Variants in DPH6 observed in about 807,000 individuals in gnomAD.
DPH6 encodes diphthine--ammonia ligase.
A neutral mutation model predicts 38.2 loss-of-function variants in DPH6; 33 were observed. The ratio of observed to expected loss-of-function variants is 0.86; its 90% confidence interval spans 0.65 to 1.15. The LOEUF is 1.15. Among genes scored for constraint, DPH6 ranks in the 50% most tolerant of loss-of-function variants. The probability of loss-of-function intolerance (pLI) is 0.00; values close to 1 mark genes in which losing one functional copy is unlikely to be tolerated. For missense variants in DPH6, 325 were observed against 320.0 expected, an observed-to-expected ratio of 1.02 and a Z score of -0.12; for synonymous variants, 108 against 103.0, an observed-to-expected ratio of 1.05 and a Z score of -0.30.
chr15:35,484,594 A>G (rs533773222), intron 3 of DPH6, among the ~76,000 whole-genome samples: 2 of 152,336 alleles, frequency 1.3e-5, no homozygotes, highest in South Asian at 4.1e-4. Context: ...GGAAGCTTAC[A>G]ATATGGCAGC....
intron 5 of DPH6, among the ~76,000 whole-genome samples, chr15:35,430,726 C>G (rs1449550690): frequency 6.6e-6 from 1 of 152,112 alleles, no homozygotes; most frequent in African/African-American, 2.4e-5. Context: ...TCAATGTCAA[C>G]TATAAATGCA....
chr15:35,145,732 G>C, the DPH6 span, among the ~76,000 whole-genome samples: 1 of 152,108 alleles, frequency 6.6e-6, no homozygotes, highest in Non-Finnish European at 1.5e-5. Context: ...TTCAAGTTCT[G>C]GGGTAGTAAC....
At chr15:35,260,398 G>A (rs575785513) in intron 3 of DPH6, among the ~76,000 whole-genome samples, 8 of 151,996 alleles carry the variant, frequency 5.3e-5, no homozygotes, top group East Asian at 1.9e-4. Context: ...GAGCCACCGC[G>A]CCCAGCCAGG....
intron 3 of DPH6, among the ~76,000 whole-genome samples, chr15:35,319,551 G>T (rs1469425547): frequency 2.0e-4 from 30 of 152,046 alleles, no homozygotes; most frequent in Non-Finnish European, 1.5e-5. Context: ...GACCAGGCTG[G>T]CCAACGTGGA....
At chr15:35,404,923 A>C (rs951670234) in intron 6 of DPH6, among the ~76,000 whole-genome samples, 7 of 152,126 alleles carry the variant, frequency 4.6e-5, no homozygotes, top group Non-Finnish European at 1.0e-4. Flanking sequence ...AGAGGGATCA[A>C]GTTTTATTTT....
chr15:35,346,046 T>C (rs2052459148), intron 3 of DPH6, among the ~76,000 whole-genome samples: 1 of 152,004 alleles, frequency 6.6e-6, no homozygotes, highest in African/African-American at 2.4e-5. Flanking sequence ...GAAACGAAAG[T>C]GCATCTCCTA....
At chr15:35,261,247 G>A (rs548928424) in intron 3 of DPH6, among the ~76,000 whole-genome samples, 6 of 152,282 alleles carry the variant, frequency 3.9e-5, no homozygotes, top group African/African-American at 9.6e-5. Context: ...CTCTGAGCAC[G>A]GTGCCATAAT....
In DPH6 at chr15:35,450,935, T is replaced by C. The variant is rs913831763; in HGVS notation, c.387-132A>G. On this transcript the variant is annotated intron_variant, in intron 4 of 8. Coordinates refer to ENST00000256538, the MANE Select transcript of DPH6 (RefSeq NM_080650.4). ...AGCATTGAAAATGCTTTTAAAAACA[T>C]ATTTTGCATAATGTTTATATATACA... The C allele has an allele frequency of 1.2e-5, 8 of 662,094 alleles. No individual in the cohort carries two copies. In the African/African-American group the frequency reaches 1.5e-4, roughly 12 times the overall value. The allele number at this position is 662,094 out of a possible 1,614,324, so 41.0% of individuals were successfully genotyped here. A position where few individuals can be genotyped will look rare whatever the true frequency, so the allele number is the denominator to read the frequency against.
the DPH6 span, among the ~76,000 whole-genome samples, chr15:35,179,204 C>CTCAAAAAAAAAAAAA: frequency 2.0e-5 from 1 of 50,592 alleles, no homozygotes; most frequent in Non-Finnish European, 3.9e-5. Context: ...ACAACTCTGT[C>CTCAAAAAAAAAAAAA]AAAAAAAAAA....
intron 4 of DPH6, 140 bp from the exon 5 acceptor site, chr15:35,450,943 A>G: frequency 1.6e-6 from 1 of 622,780 alleles, no homozygotes; most frequent in African/African-American, 1.9e-5. Context: ...CATATTTTGC[A>G]TAATGTTTAT....
intron 3 of DPH6, among the ~76,000 whole-genome samples, chr15:35,310,934 C>T (rs1361413830): frequency 3.3e-5 from 5 of 151,798 alleles, no homozygotes; most frequent in Non-Finnish European, 7.4e-5. Flanking sequence ...TGGCACATGC[C>T]TGTAATCCCA....
At chr15:35,149,997 G>A in the DPH6 span, among the ~76,000 whole-genome samples, 1 of 152,170 alleles carries the variant, frequency 6.6e-6, no homozygotes, top group Non-Finnish European at 1.5e-5. Context: ...CCCGATGCTT[G>A]TTCTGCTCCA....
intron 3 of DPH6, among the ~76,000 whole-genome samples, chr15:35,363,226 G>A (rs1413821197): frequency 1.3e-5 from 2 of 152,062 alleles, no homozygotes; most frequent in African/African-American, 4.8e-5. Flanking sequence ...ATACTTGAAA[G>A]AAGCGTGCAA....
the DPH6 span, among the ~76,000 whole-genome samples, chr15:35,169,199 A>G: frequency 3.3e-5 from 5 of 152,124 alleles, no homozygotes; most frequent in Non-Finnish European, 7.4e-5. Flanking sequence ...TATCATATTC[A>G]TATCATATTC....
At chr15:35,501,400 T>A (rs771297165) in intron 3 of DPH6, among the ~76,000 whole-genome samples, 5 of 152,216 alleles carry the variant, frequency 3.3e-5, no homozygotes, top group Admixed American at 6.5e-5. Flanking sequence ...CGACATGGGA[T>A]CAACTTCTGA....
At chr15:35,376,776 G>A (rs2052786986) in intron 7 of DPH6, among the ~76,000 whole-genome samples, 1 of 152,064 alleles carries the variant, frequency 6.6e-6, no homozygotes, top group Non-Finnish European at 1.5e-5. Context: ...CAGTTATTCA[G>A]TCTCCAGTAC....
At chr15:35,365,221 C>T (rs568285054) in intron 3 of DPH6, among the ~76,000 whole-genome samples, 1 of 152,062 alleles carries the variant, frequency 6.6e-6, no homozygotes, top group Non-Finnish European at 1.5e-5. Flanking sequence ...AACCCAATCA[C>T]CAAATCCATG....
At chr15:35,342,263 C>T (rs2052427799) in intron 3 of DPH6, among the ~76,000 whole-genome samples, 3 of 152,328 alleles carry the variant, frequency 2.0e-5, no homozygotes, top group East Asian at 1.9e-4. Flanking sequence ...TCTGCCAAGA[C>T]TTCACACAGT....
At chr15:35,149,339 G>T in the DPH6 span, among the ~76,000 whole-genome samples, 1 of 152,128 alleles carries the variant, frequency 6.6e-6, no homozygotes, top group African/African-American at 2.4e-5. Flanking sequence ...CCAGGTTCAA[G>T]CGATTCTCCT....
Sources: gnomAD v4.1 joint callset for allele counts (sites outside exome capture counted in the v4.1 genomes callset) on GRCh38, gnomAD v4.1.1 for gene constraint, MANE v1.5 for transcripts, NCBI Gene and HGNC (gene_info 2026-07-23, HGNC 2026-07-21) for gene names.